Variants in CSMD1 observed in about 807,000 individuals in gnomAD.
CSMD1 encodes the protein CUB and sushi domain-containing protein 1.
CSMD1 carries 213 observed loss-of-function variants against 417.5 expected under a neutral mutation model. The observed-to-expected ratio is 0.51, with a 90% CI of 0.46 to 0.57. The LOEUF is 0.57. Ranked by LOEUF, CSMD1 falls within the 20% of genes least tolerant of loss-of-function variation. CSMD1 has a pLI of 0.00. For synonymous variants in CSMD1, 2,862 were observed against 1,736.8 expected, an observed-to-expected ratio of 1.65 and a Z score of -16.11; for missense variants, 6,923 against 4,529.7, an observed-to-expected ratio of 1.53 and a Z score of -15.17.
chr8:3,979,533 A>G (rs1020578762), intron 5 of CSMD1, among the ~76,000 whole-genome samples: 1 of 152,200 alleles, frequency 6.6e-6, no homozygotes, highest in Non-Finnish European at 1.5e-5. Flanking sequence ...TCTCCAAGTC[A>G]TGATATTAAG....
chr8:4,376,097 A>C (rs1280971391), intron 3 of CSMD1, among the ~76,000 whole-genome samples: 1 of 152,244 alleles, frequency 6.6e-6, no homozygotes, highest in East Asian at 1.9e-4. Context: ...TATCATAACT[A>C]AGTAGGACTC....
intron 6 of CSMD1, among the ~76,000 whole-genome samples, chr8:3,709,102 A>G (rs974858672): frequency 2.0e-5 from 3 of 151,978 alleles, no homozygotes; most frequent in African/African-American, 7.3e-5. Context: ...CTGAGAGTTA[A>G]ATATGTTTCT....
chr8:4,173,433 C>G (rs1020139818), intron 3 of CSMD1, among the ~76,000 whole-genome samples: 2 of 151,692 alleles, frequency 1.3e-5, no homozygotes, highest in African/African-American at 4.9e-5. Flanking sequence ...GTAAAGGTCA[C>G]CAGAGGACGT....
In CSMD1 at chr8:3,413,822, C is replaced by T. The variant is rs543819551; in HGVS notation, c.1562-4217G>A. Reference sequence around the variant, plus strand: ...AACCCCCTTCTCTCTATGTCAGAGACGATTTTAACACATTTTCTTAGAAAC... The same window carrying T: ...AACCCCCTTCTCTCTATGTCAGAGATGATTTTAACACATTTTCTTAGAAAC... On this transcript the variant is annotated intron_variant, in intron 12 of 69. Transcript: ENST00000635120. 7.2e-5 allele frequency among the ~76,000 whole-genome samples: 11 copies of T among 151,968 alleles called. No homozygotes were observed. The East Asian group carries it at 9.7e-4, about 13-fold the overall frequency.
intron 3 of CSMD1, among the ~76,000 whole-genome samples, chr8:4,174,577 G>A (rs1797937032): frequency 6.7e-6 from 1 of 150,004 alleles, no homozygotes; most frequent in Non-Finnish European, 1.5e-5. Context: ...CATGCACTCT[G>A]GCTGGGATAC....
At chr8:3,678,610 T>C (rs918008701) in intron 7 of CSMD1, among the ~76,000 whole-genome samples, 6 of 152,184 alleles carry the variant, frequency 3.9e-5, no homozygotes, top group African/African-American at 1.2e-4. Flanking sequence ...TGGAAAACAC[T>C]CTGCAGGACA....
intron 5 of CSMD1, among the ~76,000 whole-genome samples, chr8:3,757,389 A>C (rs1358673843): frequency 6.6e-6 from 1 of 152,166 alleles, no homozygotes; most frequent in African/African-American, 2.4e-5. Flanking sequence ...TTCCAATAAC[A>C]CTTTATTTAC....
At chr8:4,523,058 G>A (rs1279116285) in intron 2 of CSMD1, among the ~76,000 whole-genome samples, 2 of 152,168 alleles carry the variant, frequency 1.3e-5, no homozygotes, top group Non-Finnish European at 2.9e-5. Context: ...CTGCAGAGCT[G>A]CAAAATTCAC....
At chr8:3,534,367 G>A (rs995733411) in intron 10 of CSMD1, among the ~76,000 whole-genome samples, 45 of 151,936 alleles carry the variant, frequency 3.0e-4, no homozygotes, top group African/African-American at 9.9e-4. Flanking sequence ...TTTAAATGCC[G>A]TGTTCAGGAT....
chr8:3,654,427 C>G (rs1798003905), intron 7 of CSMD1, among the ~76,000 whole-genome samples: 1 of 152,064 alleles, frequency 6.6e-6, no homozygotes, highest in African/African-American at 2.4e-5. Context: ...GTCCACATGC[C>G]TGTGCACATA....
At chr8:4,188,081 T>G (rs1248602402) in intron 3 of CSMD1, among the ~76,000 whole-genome samples, 3 of 151,964 alleles carry the variant, frequency 2.0e-5, no homozygotes, top group Non-Finnish European at 2.9e-5. Flanking sequence ...AATAGAAAAG[T>G]GACTGCTGGC....
intron 10 of CSMD1, among the ~76,000 whole-genome samples, chr8:3,529,778 G>C (rs192494572): frequency 6.6e-6 from 1 of 152,072 alleles, no homozygotes; most frequent in Non-Finnish European, 1.5e-5. Flanking sequence ...AACATACTTC[G>C]TTTCCTCTTC....
intron 5 of CSMD1, among the ~76,000 whole-genome samples, chr8:3,899,429 G>A (rs761362167): frequency 3.9e-5 from 6 of 152,188 alleles, no homozygotes; most frequent in African/African-American, 4.8e-5. Flanking sequence ...GTTGGCCACA[G>A]GGATTGTACG....
At chr8:3,154,726 T>C (rs1819411197) in intron 39 of CSMD1, among the ~76,000 whole-genome samples, 1 of 152,168 alleles carries the variant, frequency 6.6e-6, no homozygotes. Flanking sequence ...TTCAAAACAG[T>C]CAATACTGGT....
At chr8:4,489,351 T>A (rs1801581626) in intron 2 of CSMD1, among the ~76,000 whole-genome samples, 1 of 152,240 alleles carries the variant, frequency 6.6e-6, no homozygotes, top group Non-Finnish European at 1.5e-5. Context: ...TTTGCTGTTG[T>A]TTGCTTACAC....
At position 4,459,790 on chromosome 8, in the gene CSMD1, G is replaced by A. The variant is rs1044864981; in HGVS notation, c.303-39725C>T. Among the ~76,000 whole-genome samples, 5 of 152,272 alleles carry A rather than the reference G, an allele frequency of 3.3e-5. No individual in the cohort carries two copies. The East Asian group carries it at 9.7e-4, about 29-fold the overall frequency. On this transcript the variant is annotated intron_variant, in intron 2 of 69. Coordinates refer to ENST00000635120, the MANE Select transcript of CSMD1 (RefSeq NM_033225.6). ...CAGAACTATGAGAAAATTAATTTTTGCTGTTTAAAACCATACAATTTGTGG... is the reference window on the plus strand; with the variant it reads ...CAGAACTATGAGAAAATTAATTTTTACTGTTTAAAACCATACAATTTGTGG...
chr8:3,669,839 G>C (rs1423272337), intron 7 of CSMD1, among the ~76,000 whole-genome samples: 2 of 152,152 alleles, frequency 1.3e-5, no homozygotes, highest in Non-Finnish European at 2.9e-5. Context: ...CACAGTGGGT[G>C]ATGTCAGCCA....
intron 2 of CSMD1, among the ~76,000 whole-genome samples, chr8:4,461,243 A>G (rs1799798431): frequency 6.6e-6 from 1 of 152,038 alleles, no homozygotes; most frequent in African/African-American, 2.4e-5. Context: ...CAACCTGATA[A>G]AAGTCACCTG....
chr8:4,607,558 G>C (rs985192132), intron 2 of CSMD1, among the ~76,000 whole-genome samples: 2 of 152,152 alleles, frequency 1.3e-5, no homozygotes, highest in African/African-American at 2.4e-5. Flanking sequence ...GTTTCAACAA[G>C]GACCTCATTA....
Sources: gnomAD v4.1 joint callset for allele counts (sites outside exome capture counted in the v4.1 genomes callset) on GRCh38, gnomAD v4.1.1 for gene constraint, MANE v1.5 for transcripts, NCBI Gene and HGNC (gene_info 2026-07-23, HGNC 2026-07-21) for gene names.